Variants in PCDHGA10 observed in about 807,000 individuals in gnomAD.
The protein encoded by PCDHGA10 is protocadherin gamma subfamily A, 10, also known as protocadherin gamma-A10.
PCDHGA10 carries 42 observed loss-of-function variants against 59.5 expected under a neutral mutation model. That is an observed-to-expected ratio of 0.71 (90% CI 0.55 to 0.91). PCDHGA10 has a LOEUF of 0.91. Among genes scored for constraint, PCDHGA10 ranks in the 40% least tolerant of loss-of-function variants. The pLI, the probability that PCDHGA10 is intolerant of heterozygous loss-of-function variation, is 0.00. For missense variants in PCDHGA10, 1,111 were observed against 1,198.2 expected (o/e 0.93, Z 1.07); for synonymous variants, 511 against 517.2 (o/e 0.99, Z 0.16).
intron 2 of PCDHGA10, among the ~76,000 whole-genome samples, chr5:141,495,262 A>G (rs550950979): frequency 1.3e-5 from 2 of 152,246 alleles, no homozygotes; most frequent in South Asian, 2.1e-4. Flanking sequence ...GCAGAAAAGC[A>G]TTTGACCGGA....
At chr5:141,454,796 ATTTTTTTTTTTTTTTT>A (rs61612330) in intron 1 of PCDHGA10, among the ~76,000 whole-genome samples, 1 of 77,408 alleles carries the variant, frequency 1.3e-5, no homozygotes, top group East Asian at 4.0e-4. Flanking sequence ...CATGGTTCTA[ATTTTTTTTTTTTTTTT>A]TTTTTTTTTT....
chr5:141,441,797 G>A, intron 1 of PCDHGA10: 2 of 386,536 alleles, frequency 5.2e-6, no homozygotes, highest in Non-Finnish European at 1.0e-5. Context: ...ACAACGCACC[G>A]CGGGTGCTGT....
Position 141,490,611 on chromosome 5 carries a change from G to GCTTTA in PCDHGA10, c.2437-4194_2437-4190dup. On this transcript the variant is annotated intron_variant, in intron 1 of 3. Coordinates refer to ENST00000398610, the MANE Select transcript of PCDHGA10 (RefSeq NM_018913.3). The surrounding 1 kb of genome is among the most constrained non-coding windows in gnomAD (Gnocchi z 5.4). The stretch of plus-strand genomic sequence containing the variant: ...ACAATGCACCCCGCTTCAACCAGCA[G>GCTTTA]CTTTACACTGCTTACATCCTAGAAA... 6.2e-7 allele frequency: 1 copy of GCTTTA among 1,614,170 alleles called. No individual in the cohort carries two copies. Among genetic ancestry groups the GCTTTA allele is most frequent in the Non-Finnish European group, 8.5e-7 (1 of 1,180,036 alleles).
At position 141,437,741 on chromosome 5, in the gene PCDHGA10, C is replaced by CTT. The variant is rs35124340; in HGVS notation, c.2436+22144_2436+22145dup. 4.3e-3 allele frequency among the ~76,000 whole-genome samples: 606 copies of CTT among 141,726 alleles called. 5 individuals are homozygous for CTT. The highest frequency in any genetic ancestry group is 0.012 in the Admixed American group (164 of 14,230). 93.0% of individuals were successfully genotyped at this position (141,726 alleles called of 152,430 possible). A position where few individuals can be genotyped will look rare whatever the true frequency, so the allele number is the denominator to read the frequency against. On this transcript the variant is annotated intron_variant, in intron 1 of 3. Transcript: ENST00000398610. ...CTCTAATGTTACACTTTGAGTTCAC[C>CTT]TTTTTTTTTTTTTTTGAGACAGAGT...
In PCDHGA10 at chr5:141,476,504, G is replaced by A; in HGVS notation, c.2437-18303G>A. On this transcript the variant is annotated intron_variant, in intron 1 of 3. Coordinates refer to ENST00000398610, the MANE Select transcript of PCDHGA10 (RefSeq NM_018913.3). This position sits in a 1 kb window ranked among gnomAD's most constrained non-coding sequence, Gnocchi z 7.6. ...GGAAGTGGTGATCCAGGACATCAAC[G>A]ACAACAATCCTGCTTTCCCTACCCA... The A allele has an allele frequency of 6.2e-7, 1 of 1,614,098 alleles. No individual in the cohort carries two copies. The highest frequency in any genetic ancestry group is 2.2e-5 in the East Asian group (1 of 44,854).
chr5:141,487,391 A>C lies in PCDHGA10; in HGVS notation c.2437-7416A>C. 1 of 1,614,090 alleles carries C rather than the reference A, an allele frequency of 6.2e-7. No homozygotes were observed. The highest frequency in any genetic ancestry group is 1.1e-5 in the South Asian group (1 of 91,078). ...TGCCTGTCTCACCAGATCTCGAAGG[A>C]GGGAGGGGCTTCCCCCTTCCAATGG... On this transcript the variant is annotated intron_variant, in intron 1 of 3. Transcript: ENST00000398610. The surrounding 1 kb of genome is among the most constrained non-coding windows in gnomAD (Gnocchi z 5.0).
chr5:141,423,497 AG>A (rs1269176785), intron 1 of PCDHGA10: 1 of 1,613,940 alleles, frequency 6.2e-7, no homozygotes, highest in Non-Finnish European at 8.5e-7. Flanking sequence ...TATTCCCACG[AG>A]GTCTCTCTCA....
intron 3 of PCDHGA10, among the ~76,000 whole-genome samples, chr5:141,506,320 G>A (rs1054880362): frequency 8.6e-5 from 13 of 151,966 alleles, no homozygotes; most frequent in South Asian, 8.3e-4. Flanking sequence ...ATGGTGGTGC[G>A]TGCCTGTAGT....
rs760482028 is a variant in PCDHGA10, at chr5:141,415,134, C to T, written c.1959C>T (p.His653=). 6.2e-6 allele frequency: 10 copies of T among 1,613,552 alleles called. No individual in the cohort carries two copies. The highest frequency in any genetic ancestry group is 3.3e-5 in the South Asian group (3 of 91,088). Residue 653 remains histidine (H), a synonymous_variant, in exon 1 of 4, where the codon CAC becomes CAT. Coordinates refer to ENST00000398610, the MANE Select transcript of PCDHGA10 (RefSeq NM_018913.3). ...GCCTCGTAGTGGCCGTCCAGGACCA[C>T]GGCCAGCCCCCTCTCTCCGCCACTG... ...KQSLVVAVQD[H]GQPPLSATVT...
At chr5:141,451,954 G>A (rs2098729151) in intron 1 of PCDHGA10, among the ~76,000 whole-genome samples, 1 of 152,084 alleles carries the variant, frequency 6.6e-6, no homozygotes, top group Non-Finnish European at 1.5e-5. Flanking sequence ...CCGAGAAAGT[G>A]ACATACCATC....
Position 141,422,522 on chromosome 5 carries a change from C to T in PCDHGA10, c.2436+6911C>T, listed in dbSNP as rs767482856. On this transcript the variant is annotated intron_variant, in intron 1 of 3. Coordinates refer to ENST00000398610, the MANE Select transcript of PCDHGA10 (RefSeq NM_018913.3). Reference sequence around the variant, plus strand: ...ACAGCCACAGACCAGGGAAGCCCGCCTTTGTCTGCAGAAACTCATGTCTGG... The same window carrying T: ...ACAGCCACAGACCAGGGAAGCCCGCTTTTGTCTGCAGAAACTCATGTCTGG... 11 of 1,614,014 alleles carry T rather than the reference C, an allele frequency of 6.8e-6. No homozygotes were observed. In the South Asian group the frequency reaches 1.1e-4, roughly 16 times the overall value.
intron 3 of PCDHGA10, among the ~76,000 whole-genome samples, chr5:141,509,109 G>A (rs893509101): frequency 5.3e-5 from 8 of 152,240 alleles, no homozygotes; most frequent in African/African-American, 1.9e-4. Flanking sequence ...AAACCTGAGC[G>A]CTGGTGCGTG....
In PCDHGA10 at chr5:141,413,478, T is replaced by C. The variant is rs755324008; in HGVS notation, c.303T>C (p.Ala101=). The change falls in exon 1 of 4, where the codon GCT becomes GCC. Residue 101 remains alanine, a synonymous_variant. Coordinates refer to ENST00000398610, the MANE Select transcript of PCDHGA10 (RefSeq NM_018913.3). ...GGATAGACCGGGAGGAGCTCTGCGCTCAGAGCGCGCGGTGCGTGGTGAGTT... is the reference window on the plus strand; with the variant it reads ...GGATAGACCGGGAGGAGCTCTGCGCCCAGAGCGCGCGGTGCGTGGTGAGTT... The part of the protein sequence containing the change: ...AGRIDREELC[A]QSARCVVSFN... 6.2e-7 allele frequency: 1 copy of C among 1,614,074 alleles called. No homozygotes were observed. Among genetic ancestry groups the C allele is most frequent in the East Asian group, 2.2e-5 (1 of 44,882 alleles).
chr5:141,419,845 G>A, intron 1 of PCDHGA10: 3 of 1,614,064 alleles, frequency 1.9e-6, no homozygotes, highest in Non-Finnish European at 2.5e-6. Context: ...CGCTGCACCT[G>A]GTGTTCGCAG....
At chr5:141,454,311 T>G (rs755771201) in intron 1 of PCDHGA10, among the ~76,000 whole-genome samples, 6 of 152,216 alleles carry the variant, frequency 3.9e-5, no homozygotes, top group Admixed American at 2.6e-4. Context: ...TTTCAAAGCA[T>G]TGAAACCTCC....
rs2097400915 is a variant in PCDHGA10, at chr5:141,431,619, A to G, written c.2436+16008A>G. The stretch of plus-strand genomic sequence containing the variant: ...TATTCCTTCCGGTATGTGGACGACA[A>G]GGCGGCCCAAGTTTTCAAACTAGAT... On this transcript the variant is annotated intron_variant, in intron 1 of 3. Coordinates refer to ENST00000398610, the MANE Select transcript of PCDHGA10 (RefSeq NM_018913.3). The surrounding 1 kb of genome is among the most constrained non-coding windows in gnomAD (Gnocchi z 4.8). 3.1e-6 allele frequency: 5 copies of G among 1,614,230 alleles called. No homozygotes were observed. The highest frequency in any genetic ancestry group is 4.5e-5 in the East Asian group (2 of 44,880).
chr5:141,462,336 T>C (rs2099037439), intron 1 of PCDHGA10, among the ~76,000 whole-genome samples: 1 of 152,238 alleles, frequency 6.6e-6, no homozygotes, highest in African/African-American at 2.4e-5. Flanking sequence ...TTTAATTGTA[T>C]TGTGATCCAA....
chr5:141,418,987 A>AG (rs781016682), intron 1 of PCDHGA10: 1 of 1,613,974 alleles, frequency 6.2e-7, no homozygotes, highest in South Asian at 1.1e-5. Context: ...ACCAAGACTC[A>AG]GGGGAAAATG....
intron 1 of PCDHGA10, chr5:141,423,684 T>TA (rs1412198122): frequency 1.3e-6 from 2 of 1,524,644 alleles, no homozygotes; most frequent in Non-Finnish European, 1.8e-6. Context: ...CTCTGCCTCC[T>TA]AATTGTTGGT....
Sources: allele counts gnomAD v4.1 joint callset (sites outside exome capture counted in the v4.1 genomes callset), GRCh38; gene constraint gnomAD v4.1.1; non-coding constraint Gnocchi (gnomAD v3.1); transcripts MANE v1.5; gene names NCBI Gene and HGNC (gene_info 2026-07-23, HGNC 2026-07-21).